Variants in HS3ST3A1 observed in about 807,000 individuals in gnomAD.
HS3ST3A1 encodes heparan sulfate glucosamine 3-O-sulfotransferase 3A1.
HS3ST3A1 carries 19 observed loss-of-function variants against 25.7 expected under a neutral mutation model. That is an observed-to-expected ratio of 0.74 (90% CI 0.52 to 1.08). HS3ST3A1 has a LOEUF of 1.08. HS3ST3A1 is among the 50% of genes least tolerant of loss of function. The pLI is 0.00. For missense variants in HS3ST3A1, 459 were observed against 594.3 expected, an observed-to-expected ratio of 0.77 and a Z score of 2.37; for synonymous variants, 226 against 278.6, an observed-to-expected ratio of 0.81 and a Z score of 1.88.
chr17:13,600,678 T>G lies in HS3ST3A1; in HGVS notation c.452A>C (p.Gln151Pro). ...TCCGATGATGATGGCCTGCGGCAGC[T>G]GCTTGCTGCCTTCGTCCAGGAGCAG... ...LALLLDEGSK[Q>P]LPQAIIIGVK... The change falls in exon 1 of 2, where the codon CAG (glutamine) becomes CCG (proline). Residue 151 changes from glutamine to proline, a missense_variant. By Grantham distance (76) the Gln-to-Pro change is moderately conservative (BLOSUM62 -1). Around this residue, in one of 3 missense-constraint regions of HS3ST3A1, gnomAD observed 346 missense variants for 303.9 expected, o/e 1.14. Coordinates refer to ENST00000284110, the MANE Select transcript of HS3ST3A1 (RefSeq NM_006042.3). 6.3e-7 allele frequency: 1 copy of G among 1,585,616 alleles called. No homozygotes were observed. Among genetic ancestry groups the G allele is most frequent in the South Asian group, 1.1e-5 (1 of 88,658 alleles).
chr17:13,574,666 T>C (rs1203864300), intron 1 of HS3ST3A1, among the ~76,000 whole-genome samples: 1 of 151,788 alleles, frequency 6.6e-6, no homozygotes, highest in Non-Finnish European at 1.5e-5. Context: ...TGCAGTGAGC[T>C]GAGATCATGC....
intron 1 of HS3ST3A1, among the ~76,000 whole-genome samples, chr17:13,498,154 T>C (rs1285586089): frequency 6.6e-6 from 1 of 152,220 alleles, no homozygotes; most frequent in Non-Finnish European, 1.5e-5. Flanking sequence ...TTTAAAGTCA[T>C]TCACAAACAT....
chr17:13,597,244 C>T (rs1908600766), intron 1 of HS3ST3A1, among the ~76,000 whole-genome samples: 1 of 151,894 alleles, frequency 6.6e-6, no homozygotes, highest in South Asian at 2.1e-4. Context: ...ACATATTTAA[C>T]TACTTTATTA....
chr17:13,549,187 G>C (rs1017744240), intron 1 of HS3ST3A1, among the ~76,000 whole-genome samples: 3 of 152,232 alleles, frequency 2.0e-5, no homozygotes. Flanking sequence ...AAACAACTCC[G>C]GACACGCTGG....
rs1908715390 is a variant in HS3ST3A1, at chr17:13,600,935, GGCCCCCGCCTCCTC to G, written c.181_194del (p.Glu61ProfsTer309). The G allele has an allele frequency of 6.5e-7, 1 of 1,532,480 alleles. No homozygotes were observed. The highest frequency in any genetic ancestry group is 8.8e-7 in the Non-Finnish European group (1 of 1,139,970). 94.9% of individuals were successfully genotyped at this position (1,532,480 alleles called of 1,614,324 possible). ...CTCCGGCCAGGACGCCGCCACCAGG[GGCCCCCGCCTCCTC>G]GCCGCCGCCGGACAGCCCCACGACG... On this transcript the variant is annotated frameshift_variant, in exon 1 of 2. Coordinates refer to ENST00000284110, the MANE Select transcript of HS3ST3A1 (RefSeq NM_006042.3). LOFTEE classifies it high-confidence loss of function.
At chr17:13,550,490 A>G (rs1353876616) in intron 1 of HS3ST3A1, among the ~76,000 whole-genome samples, 1 of 152,106 alleles carries the variant, frequency 6.6e-6, no homozygotes, top group Non-Finnish European at 1.5e-5. Context: ...CCCCTGAGCG[A>G]TCTTAGAAGC....
At chr17:13,552,055 G>A (rs1191167298) in intron 1 of HS3ST3A1, among the ~76,000 whole-genome samples, 2 of 151,148 alleles carry the variant, frequency 1.3e-5, no homozygotes, top group Non-Finnish European at 2.9e-5. Flanking sequence ...GGCAATTGCT[G>A]TATTTGGTTC....
At chr17:13,545,286 A>G (rs542107849) in intron 1 of HS3ST3A1, among the ~76,000 whole-genome samples, 1 of 152,334 alleles carries the variant, frequency 6.6e-6, no homozygotes, top group Non-Finnish European at 1.5e-5. Flanking sequence ...TGTTCAAGTA[A>G]TGAAAGCAGT....
intron 1 of HS3ST3A1, among the ~76,000 whole-genome samples, chr17:13,548,446 T>C (rs1453969543): frequency 1.3e-5 from 2 of 152,242 alleles, no homozygotes; most frequent in African/African-American, 2.4e-5. Context: ...CCATGGAAGA[T>C]AAGGGCTTCA....
At position 13,600,686 on chromosome 17, in the gene HS3ST3A1, G is replaced by T. The variant is rs758817855; in HGVS notation, c.444C>A (p.Gly148=). 2.5e-6 allele frequency: 4 copies of T among 1,581,726 alleles called. No individual in the cohort carries two copies. Among genetic ancestry groups the T allele is most frequent in the Non-Finnish European group, 3.4e-6 (4 of 1,170,842 alleles). ...PGTLALLLDE[G]SKQLPQAIII... is the part of the protein sequence containing the mutation. ...TGATGGCCTGCGGCAGCTGCTTGCT[G>T]CCTTCGTCCAGGAGCAGCGCCAGGG... Residue 148 remains glycine, a synonymous_variant, in exon 1 of 2, where the codon GGC becomes GGA. Transcript: ENST00000284110.
intron 1 of HS3ST3A1, among the ~76,000 whole-genome samples, chr17:13,498,578 A>G (rs962183025): frequency 6.6e-6 from 1 of 151,938 alleles, no homozygotes; most frequent in Non-Finnish European, 1.5e-5. Context: ...AGGTCATAAG[A>G]CCTTCATTCC....
In HS3ST3A1 at chr17:13,527,961, T is replaced by TG. The variant is rs1157392912; in HGVS notation, c.600-31144_600-31143insC. 3.3e-5 allele frequency among the ~76,000 whole-genome samples: 5 copies of TG among 151,148 alleles called. No homozygotes were observed. The South Asian group carries it at 1.0e-3, about 31-fold the overall frequency. ...CACGATATCACTAATAATGTTCTTA[T>TG]TTTTTTTTACAGCTATCAACATTCA... On this transcript the variant is annotated intron_variant, in intron 1 of 1. Transcript: ENST00000284110.
intron 1 of HS3ST3A1, among the ~76,000 whole-genome samples, chr17:13,511,188 A>G (rs146243668): frequency 1.3e-5 from 2 of 152,344 alleles, no homozygotes; most frequent in Non-Finnish European, 2.9e-5. Context: ...ACACAAATTT[A>G]TTACAGAAAC....
At chr17:13,501,166 AAG>A (rs1905461232) in intron 1 of HS3ST3A1, among the ~76,000 whole-genome samples, 1 of 152,230 alleles carries the variant, frequency 6.6e-6, no homozygotes, top group Non-Finnish European at 1.5e-5. Context: ...GTAAGATTAA[AAG>A]AGTTGTGGGG....
chr17:13,561,878 A>G (rs564331331), intron 1 of HS3ST3A1, among the ~76,000 whole-genome samples: 1 of 152,082 alleles, frequency 6.6e-6, no homozygotes, highest in East Asian at 1.9e-4. Flanking sequence ...TACAAAGAGG[A>G]CAGACAAAGG....
intron 1 of HS3ST3A1, among the ~76,000 whole-genome samples, chr17:13,518,614 C>T (rs1448659376): frequency 1.3e-5 from 2 of 152,170 alleles, no homozygotes; most frequent in Non-Finnish European, 2.9e-5. Flanking sequence ...ATCCATGTGA[C>T]TTGCTTTGGC....
intron 1 of HS3ST3A1, among the ~76,000 whole-genome samples, chr17:13,536,666 T>C (rs1285057581): frequency 6.6e-6 from 1 of 152,166 alleles, no homozygotes; most frequent in Non-Finnish European, 1.5e-5. Context: ...TCTTAACACA[T>C]GGAAACTGAC....
At chr17:13,509,907 G>T (rs1040935681) in intron 1 of HS3ST3A1, among the ~76,000 whole-genome samples, 2 of 152,270 alleles carry the variant, frequency 1.3e-5, no homozygotes, top group African/African-American at 4.8e-5. Flanking sequence ...ACATTATTCT[G>T]CCTGAATTCT....
At chr17:13,550,789 C>T (rs936148507) in intron 1 of HS3ST3A1, among the ~76,000 whole-genome samples, 4 of 152,114 alleles carry the variant, frequency 2.6e-5, no homozygotes, top group African/African-American at 7.2e-5. Flanking sequence ...TCAAATCAGG[C>T]CCGGCGCAGT....
Sources: allele counts gnomAD v4.1 joint callset (sites outside exome capture counted in the v4.1 genomes callset), GRCh38; gene constraint gnomAD v4.1.1; regional missense constraint gnomAD v4.1.1; transcripts MANE v1.5; gene names NCBI Gene and HGNC (gene_info 2026-07-23, HGNC 2026-07-21).